NAALADL2: variants seen among roughly 807,000 people sequenced by gnomAD.
The protein encoded by NAALADL2 is inactive N-acetylated-alpha-linked acidic dipeptidase-like protein 2.
In NAALADL2, 76 loss-of-function variants were observed where a neutral mutation model predicts 87.2. The ratio of observed to expected loss-of-function variants is 0.87; its 90% CI spans 0.72 to 1.05. NAALADL2 has a LOEUF of 1.05. Among genes scored for constraint, NAALADL2 ranks in the 50% least tolerant of loss-of-function variants. The probability of loss-of-function intolerance (pLI) is 0.00; values close to 1 mark genes in which losing one functional copy is unlikely to be tolerated. For missense variants in NAALADL2, 1,089 were observed against 945.8 expected, an observed-to-expected ratio of 1.15 and a Z score of -1.99; for synonymous variants, 354 against 331.0, an observed-to-expected ratio of 1.07 and a Z score of -0.75.
intron 2 of NAALADL2, among the ~76,000 whole-genome samples, chr3:174,584,628 A>G (rs530828877): frequency 6.6e-6 from 1 of 152,226 alleles, no homozygotes; most frequent in Admixed American, 6.5e-5. Context: ...TTAAGTACAA[A>G]TCTCCATAAT....
chr3:175,412,121 T>C (rs1713635101), intron 5 of NAALADL2, among the ~76,000 whole-genome samples: 1 of 152,226 alleles, frequency 6.6e-6, no homozygotes, highest in Non-Finnish European at 1.5e-5. Context: ...TTCAACATTG[T>C]TCTTGTATTT....
intron 5 of NAALADL2, among the ~76,000 whole-genome samples, chr3:175,375,155 G>A (rs527378080): frequency 2.6e-5 from 4 of 152,110 alleles, no homozygotes; most frequent in African/African-American, 9.6e-5. Context: ...TATTCTTATA[G>A]CAATATAACC....
chr3:175,755,971 T>C (rs1180194796), intron 13 of NAALADL2, among the ~76,000 whole-genome samples: 1 of 152,158 alleles, frequency 6.6e-6, no homozygotes, highest in African/African-American at 2.4e-5. Flanking sequence ...GTGGATTAGA[T>C]ACAGACTCAG....
intron 13 of NAALADL2, among the ~76,000 whole-genome samples, chr3:175,798,946 G>C (rs544674462): frequency 6.6e-6 from 1 of 151,996 alleles, no homozygotes. Context: ...ATTGGGTTTT[G>C]CAGATGGGGA....
At chr3:175,108,862 G>C (rs898058402) in intron 2 of NAALADL2, among the ~76,000 whole-genome samples, 1 of 151,810 alleles carries the variant, frequency 6.6e-6, no homozygotes, top group Non-Finnish European at 1.5e-5. Flanking sequence ...AAGAAAAATT[G>C]TGTCAGGTTT....
At chr3:175,735,912 G>A (rs545852027) in intron 11 of NAALADL2, among the ~76,000 whole-genome samples, 1 of 152,266 alleles carries the variant, frequency 6.6e-6, no homozygotes, top group South Asian at 2.1e-4. Context: ...AAGTTAGTGT[G>A]CTAATTTCCC....
chr3:175,336,952 G>T (rs1027822512), intron 5 of NAALADL2, among the ~76,000 whole-genome samples: 1 of 152,044 alleles, frequency 6.6e-6, no homozygotes, highest in Non-Finnish European at 1.5e-5. Context: ...ATACAGATAC[G>T]CACATTTTCA....
intron 1 of NAALADL2, among the ~76,000 whole-genome samples, chr3:174,893,247 A>G (rs1252145179): frequency 2.6e-5 from 4 of 152,126 alleles, no homozygotes; most frequent in African/African-American, 9.7e-5. Flanking sequence ...TTCCCAAACA[A>G]AAGCAGAAGG....
chr3:175,566,726 T>C (rs1328442424), intron 9 of NAALADL2, among the ~76,000 whole-genome samples: 2 of 152,260 alleles, frequency 1.3e-5, no homozygotes, highest in African/African-American at 4.8e-5. Context: ...AATAATTTTT[T>C]CTGGGTAATA....
At chr3:175,646,856 G>T (rs571831012) in intron 11 of NAALADL2, among the ~76,000 whole-genome samples, 22 of 152,156 alleles carry the variant, frequency 1.4e-4, no homozygotes, top group African/African-American at 3.9e-4. Context: ...TCTTTATCCA[G>T]CCGAGTGTTA....
intron 1 of NAALADL2, among the ~76,000 whole-genome samples, chr3:174,492,274 AAAAAAAAAG>A (rs1560013175): frequency 1.9e-4 from 26 of 133,726 alleles, no homozygotes; most frequent in African/African-American, 7.8e-5. Context: ...CCGTCTCAAA[AAAAAAAAAG>A]AAAAAAAGAA....
intron 3 of NAALADL2, among the ~76,000 whole-genome samples, chr3:174,754,792 A>G (rs1182893526): frequency 6.6e-6 from 1 of 152,192 alleles, no homozygotes; most frequent in Non-Finnish European, 1.5e-5. Flanking sequence ...TTTCAGTCTC[A>G]TCCCACTCAA....
rs1360801664 is a variant in NAALADL2, at chr3:175,684,059, CT to C, written c.1897-53243del. Among the ~76,000 whole-genome samples, 6 of 151,656 alleles carry C rather than the reference CT, an allele frequency of 4.0e-5. No homozygotes were observed. In the East Asian group the frequency reaches 1.2e-3, roughly 29 times the overall value. ...ATAGTAGAAGCAATTTTATGATGAG[CT>C]TTTAAACTGTTCTTTAAAGTACTTT... On this transcript the variant is annotated intron_variant, in intron 11 of 13. Coordinates refer to ENST00000454872, the MANE Select transcript of NAALADL2 (RefSeq NM_207015.3).
intron 1 of NAALADL2, among the ~76,000 whole-genome samples, chr3:174,877,391 C>T (rs571160885): frequency 1.3e-5 from 2 of 152,044 alleles, no homozygotes; most frequent in Non-Finnish European, 2.9e-5. Flanking sequence ...GGCCTTCTTT[C>T]ATAAATCAGC....
chr3:175,422,918 A>G (rs1407719281), intron 5 of NAALADL2, among the ~76,000 whole-genome samples: 6 of 151,094 alleles, frequency 4.0e-5, no homozygotes, highest in African/African-American at 9.7e-5. Context: ...CCAGGCACCA[A>G]CTAAACTATA....
At chr3:175,434,928 T>C (rs1157461676) in intron 5 of NAALADL2, among the ~76,000 whole-genome samples, 1 of 152,072 alleles carries the variant, frequency 6.6e-6, no homozygotes, top group Non-Finnish European at 1.5e-5. Flanking sequence ...TATGATATAG[T>C]TTATGGTTGT....
chr3:175,645,702 G>A (rs1303495004), intron 11 of NAALADL2, among the ~76,000 whole-genome samples: 2 of 152,084 alleles, frequency 1.3e-5, no homozygotes, highest in Non-Finnish European at 2.9e-5. Context: ...CAAGGTAATG[G>A]TGGTATAAGT....
intron 1 of NAALADL2, among the ~76,000 whole-genome samples, chr3:175,033,925 A>G (rs916703391): frequency 6.6e-6 from 1 of 151,942 alleles, no homozygotes; most frequent in Non-Finnish European, 1.5e-5. Context: ...TTGAATATGT[A>G]ATAGTATCTC....
chr3:175,452,174 T>A (rs1291375158), intron 6 of NAALADL2, among the ~76,000 whole-genome samples: 1 of 152,114 alleles, frequency 6.6e-6, no homozygotes, highest in East Asian at 1.9e-4. Context: ...TCAGAATTGC[T>A]CCATGTGAGA....
Sources: allele counts gnomAD v4.1 joint callset (sites outside exome capture counted in the v4.1 genomes callset), GRCh38; gene constraint gnomAD v4.1.1; transcripts MANE v1.5; gene names NCBI Gene and HGNC (gene_info 2026-07-23, HGNC 2026-07-21).